The following SCAPER variants were observed in gnomAD, a reference collection of about 807,000 sequenced individuals.
SCAPER encodes the protein S phase cyclin A-associated protein in the endoplasmic reticulum.
Under a neutral mutation model 182.2 loss-of-function variants are expected in SCAPER, and 98 were observed. The ratio of observed to expected loss-of-function variants is 0.54; its 90% confidence interval spans 0.46 to 0.64. SCAPER has a LOEUF of 0.64. Ranked by LOEUF, SCAPER falls within the 30% of genes least tolerant of loss-of-function variation. The probability of loss-of-function intolerance (pLI) is 0.00; values close to 1 mark genes in which losing one functional copy is unlikely to be tolerated. For synonymous variants in SCAPER, 605 were observed against 564.6 expected (o/e 1.07, Z -1.01); for missense variants, 1,432 against 1,690.0 (o/e 0.85, Z 2.68).
At chr15:76,472,053 T>G (rs1427845974) in intron 24 of SCAPER, 1 of 274,624 alleles carries the variant, frequency 3.6e-6, no homozygotes, top group African/African-American at 2.2e-5. Context: ...GTCTGCCTGC[T>G]GCTGCATTCC....
At chr15:76,703,449 T>C (rs1214213787) in intron 18 of SCAPER, among the ~76,000 whole-genome samples, 1 of 152,194 alleles carries the variant, frequency 6.6e-6, no homozygotes, top group Non-Finnish European at 1.5e-5. Context: ...GTAAAGCATA[T>C]GCTTATCCAT....
chr15:76,649,664 A>G lies in SCAPER; in HGVS notation c.2645+15989T>C, dbSNP rs544093100. 1.3e-4 allele frequency among the ~76,000 whole-genome samples: 20 copies of G among 151,216 alleles called. No individual in the cohort carries two copies. The South Asian group carries it at 4.2e-3, about 31-fold the overall frequency. ...GATACAGTAAAAAAGAAAAAAAGGA[A>G]TGTGTGTTCTCTGCTGATCAGAAAC... On this transcript the variant is annotated intron_variant, in intron 21 of 31. Coordinates refer to ENST00000563290, the MANE Select transcript of SCAPER (RefSeq NM_020843.4).
chr15:76,418,085 GC>G (rs1161958637), intron 26 of SCAPER, among the ~76,000 whole-genome samples: 4 of 152,144 alleles, frequency 2.6e-5, no homozygotes, highest in African/African-American at 7.2e-5. Flanking sequence ...AATTAGAGTT[GC>G]CTGGTGGTTG....
intron 22 of SCAPER, among the ~76,000 whole-genome samples, chr15:76,606,258 C>G (rs1477399395): frequency 1.3e-5 from 2 of 152,184 alleles, no homozygotes; most frequent in African/African-American, 2.4e-5. Context: ...ATCTTTATTT[C>G]TGCCTTCATT....
intron 21 of SCAPER, among the ~76,000 whole-genome samples, chr15:76,622,285 GAA>G (rs1387020374): frequency 6.6e-6 from 1 of 150,926 alleles, no homozygotes. Context: ...TCTTTTTGGA[GAA>G]AAAAAAGAGG....
At chr15:76,875,605 G>A (rs897927949) in intron 2 of SCAPER, among the ~76,000 whole-genome samples, 6 of 152,200 alleles carry the variant, frequency 3.9e-5, no homozygotes, top group African/African-American at 1.4e-4. Flanking sequence ...ACTGTGTCCA[G>A]AATTGGTGGG....
chr15:76,734,940 TCATAAA>T (rs2061155911), intron 15 of SCAPER, among the ~76,000 whole-genome samples: 3 of 152,240 alleles, frequency 2.0e-5, no homozygotes, highest in Admixed American at 1.3e-4. Context: ...TCAGACTATA[TCATAAA>T]CATAATCAAA....
intron 23 of SCAPER, among the ~76,000 whole-genome samples, chr15:76,553,153 T>G (rs1346904610): frequency 2.0e-5 from 3 of 152,312 alleles, no homozygotes; most frequent in Non-Finnish European, 4.4e-5. Flanking sequence ...CTTCCCTGGA[T>G]GGTGCACATA....
At chr15:76,697,101 T>C (rs562895076) in intron 20 of SCAPER, among the ~76,000 whole-genome samples, 11 of 152,136 alleles carry the variant, frequency 7.2e-5, no homozygotes, top group Admixed American at 6.5e-5. Flanking sequence ...ATCTTACATG[T>C]CAAAGAAGAA....
At chr15:76,821,678 C>A (rs565410857) in intron 5 of SCAPER, among the ~76,000 whole-genome samples, 1 of 152,102 alleles carries the variant, frequency 6.6e-6, no homozygotes. Context: ...CACCCGTAAT[C>A]AAAGCACTTT....
intron 1 of SCAPER, among the ~76,000 whole-genome samples, chr15:76,887,341 A>T (rs1305882187): frequency 6.6e-6 from 1 of 152,196 alleles, no homozygotes; most frequent in Non-Finnish European, 1.5e-5. Flanking sequence ...GAGCCAAAGC[A>T]GGCCGGGGCA....
At chr15:76,886,711 T>C (rs75979564) in intron 1 of SCAPER, among the ~76,000 whole-genome samples, 10,232 of 152,242 alleles carry the variant, frequency 0.067, 380 homozygotes, top group Middle Eastern at 0.11. Context: ...TGTATGCGCA[T>C]TGCAGCACAA....
At chr15:76,358,361 A>G (rs17362383) in intron 29 of SCAPER, among the ~76,000 whole-genome samples, 60,843 of 152,172 alleles carry the variant, frequency 0.4, 14,448 homozygotes, top group Middle Eastern at 0.55. Context: ...AGTGGAGGGA[A>G]GAAGTTTATA....
chr15:76,775,433 T>C (rs2063692117), intron 8 of SCAPER, among the ~76,000 whole-genome samples: 1 of 152,176 alleles, frequency 6.6e-6, no homozygotes, highest in Non-Finnish European at 1.5e-5. Flanking sequence ...ATATCTCTTT[T>C]AATCTTCACA....
At chr15:76,520,890 A>G (rs1387136359) in intron 23 of SCAPER, among the ~76,000 whole-genome samples, 1 of 152,222 alleles carries the variant, frequency 6.6e-6, no homozygotes, top group Non-Finnish European at 1.5e-5. Flanking sequence ...AAAATTGTTT[A>G]ATTGAACTAA....
intron 26 of SCAPER, among the ~76,000 whole-genome samples, chr15:76,423,751 G>T (rs1331926941): frequency 6.6e-6 from 1 of 152,108 alleles, no homozygotes; most frequent in Non-Finnish European, 1.5e-5. Flanking sequence ...TCTCTTGTGG[G>T]CATTCAGTGC....
At chr15:76,366,146 T>A (rs1001995278) in intron 29 of SCAPER, among the ~76,000 whole-genome samples, 1 of 151,952 alleles carries the variant, frequency 6.6e-6, no homozygotes, top group African/African-American at 2.4e-5. Context: ...ATGTCCATTA[T>A]AGACTAACGG....
chr15:76,451,627 G>T (rs1180936997), intron 25 of SCAPER, among the ~76,000 whole-genome samples: 1 of 152,152 alleles, frequency 6.6e-6, no homozygotes, highest in East Asian at 1.9e-4. Context: ...GCTTTAACAG[G>T]TAAGAATGAA....
At chr15:76,897,626 G>C (rs1387522341) in intron 1 of SCAPER, among the ~76,000 whole-genome samples, 3 of 152,092 alleles carry the variant, frequency 2.0e-5, no homozygotes, top group Admixed American at 2.0e-4. Context: ...AGAATTGCTT[G>C]AACCCGGGAG....
Sources: allele counts gnomAD v4.1 joint callset (sites outside exome capture counted in the v4.1 genomes callset), GRCh38; gene constraint gnomAD v4.1.1; transcripts MANE v1.5; gene names NCBI Gene and HGNC (gene_info 2026-07-23, HGNC 2026-07-21).